The following PRKD2 variants were observed in gnomAD, a reference collection of about 807,000 sequenced individuals.
The protein encoded by PRKD2 is serine/threonine-protein kinase D2.
A neutral mutation model predicts 86.0 loss-of-function variants in PRKD2; 22 were observed. The ratio of observed to expected loss-of-function variants is 0.26; its 90% CI spans 0.18 to 0.37. PRKD2 has a LOEUF of 0.37. Ranked by LOEUF, PRKD2 falls within the 10% of genes least tolerant of loss-of-function variation. The pLI, the probability that PRKD2 is intolerant of heterozygous loss-of-function variation, is 1.00. For synonymous variants in PRKD2, 509 were observed against 510.9 expected, an observed-to-expected ratio of 1.00 and a Z score of 0.05; for missense variants, 818 against 1,199.2, an observed-to-expected ratio of 0.68 and a Z score of 4.70.
At chr19:46,679,260 G>GCAGAGGTTGCAGTGAGC (rs1191166538) in intron 15 of PRKD2, among the ~76,000 whole-genome samples, 7 of 152,106 alleles carry the variant, frequency 4.6e-5, no homozygotes, top group African/African-American at 1.7e-4. Context: ...AACCTGGGAG[G>GCAGAGGTTGCAGTGAGC]CAGAGGTTGC....
At chr19:46,696,412 T>G (rs916813079) in intron 9 of PRKD2, among the ~76,000 whole-genome samples, 13 of 151,974 alleles carry the variant, frequency 8.6e-5, no homozygotes, top group Non-Finnish European at 1.9e-4. Flanking sequence ...TGGGACACAG[T>G]GTGGGCATGG....
At chr19:46,710,054 C>T (rs151060619) in intron 3 of PRKD2, among the ~76,000 whole-genome samples, 3 of 151,030 alleles carry the variant, frequency 2.0e-5, no homozygotes, top group African/African-American at 4.9e-5. Flanking sequence ...TGTGCCACCA[C>T]GTCCGGCTAA....
At position 46,689,707 on chromosome 19, in the gene PRKD2, TG is replaced by T; in HGVS notation, c.1810-10del. 6.2e-7 allele frequency: 1 copy of T among 1,613,610 alleles called. No individual in the cohort carries two copies. ...CCGGGATGCCGCAGGCTCTGCAGGGTGGGGAGCGGGGTCAGGGCCCAGGTAA... is the reference window on the plus strand; with the variant it reads ...CCGGGATGCCGCAGGCTCTGCAGGGTGGGAGCGGGGTCAGGGCCCAGGTAA... On this transcript the variant is annotated splice_polypyrimidine_tract_variant and intron_variant, in intron 13 of 17. Transcript: ENST00000291281.
intron 3 of PRKD2, 68 bp downstream of exon 3, chr19:46,710,839 G>A: frequency 6.8e-7 from 1 of 1,467,216 alleles, no homozygotes; most frequent in Non-Finnish European, 9.1e-7. Context: ...CCCGTGCCAG[G>A]ACCATTACGC....
rs574277674 is a variant in PRKD2 at position 46,693,079 on chromosome 19, C to T, written c.1576+796G>A. ...TTCTTTCCCACATCTCACCCTGCCT[C>T]GGCCTCCAGATCTCAGTTCAGATGT... is the stretch of plus-strand genomic sequence containing the variant. On this transcript the variant is annotated intron_variant, in intron 10 of 17. Transcript: ENST00000291281. The surrounding 1 kb of genome is among the most constrained non-coding windows in gnomAD (Gnocchi z 4.5). Among the ~76,000 whole-genome samples, 104 of 152,292 alleles carry T rather than the reference C, an allele frequency of 6.8e-4. 1 individual carries two copies. The highest frequency in any genetic ancestry group is 9.4e-4 in the Non-Finnish European group (64 of 68,026).
intron 3 of PRKD2, among the ~76,000 whole-genome samples, chr19:46,709,124 A>G (rs938146082): frequency 1.3e-5 from 2 of 151,762 alleles, no homozygotes; most frequent in Admixed American, 1.3e-4. Context: ...CTATAGGCAC[A>G]TGCCACCACG....
chr19:46,696,526 G>A (rs1452607980), intron 9 of PRKD2, among the ~76,000 whole-genome samples: 1 of 152,064 alleles, frequency 6.6e-6, no homozygotes, highest in Non-Finnish European at 1.5e-5. Context: ...TTGGGAGGCC[G>A]AGGGGGGCAG....
rs947611694 is a variant in PRKD2 at position 46,714,365 on chromosome 19, C to A, written c.241-364G>T. On this transcript the variant is annotated intron_variant, in intron 1 of 17. Coordinates refer to ENST00000291281, the MANE Select transcript of PRKD2 (RefSeq NM_016457.5). ...CCTCCTCCCCAGGCTCACACACCCG[C>A]CCCCCAGCTTCCTTCCTGGATCTGT... The A allele has an allele frequency of 3.4e-5, 33 of 957,400 alleles. No homozygotes were observed. The African/African-American group carries it at 5.4e-4, about 16-fold the overall frequency. 59.3% of individuals were successfully genotyped at this position (957,400 alleles called of 1,614,324 possible).
chr19:46,690,467 TA>T, intron 13 of PRKD2, 132 bp downstream of exon 13: 1 of 743,984 alleles, frequency 1.3e-6, no homozygotes, highest in Non-Finnish European at 2.3e-6. Context: ...GTCCCTCTGC[TA>T]AGAACACCTT....
Position 46,693,269 on chromosome 19 carries a change from C to T in PRKD2, c.1576+606G>A, listed in dbSNP as rs1409149082. The stretch of plus-strand genomic sequence containing the variant: ...GACTCTGAGCCCCATGAGGGCAGGT[C>T]TTGGGCTGTCCTGGCCACCACTGGG... On this transcript the variant is annotated intron_variant, in intron 10 of 17. Coordinates refer to ENST00000291281, the MANE Select transcript of PRKD2 (RefSeq NM_016457.5). This position sits in a 1 kb window ranked among gnomAD's most constrained non-coding sequence, Gnocchi z 4.5. Among the ~76,000 whole-genome samples, 1 of 151,944 alleles carries T rather than the reference C, an allele frequency of 6.6e-6. No individual in the cohort carries two copies. The highest frequency in any genetic ancestry group is 1.5e-5 in the Non-Finnish European group (1 of 67,958).
Position 46,678,773 on chromosome 19 carries a change from T to A in PRKD2, c.2071-110A>T. The stretch of plus-strand genomic sequence containing the variant: ...TTCCAGAGAAAGCTGGATGCTGGTT[T>A]GAATCCAGGCTCCTTGGCTCACTAG... On this transcript the variant is annotated intron_variant, in intron 15 of 17. Coordinates refer to ENST00000291281, the MANE Select transcript of PRKD2 (RefSeq NM_016457.5). This position sits in a 1 kb window ranked among gnomAD's most constrained non-coding sequence, Gnocchi z 5.7. 1 of 1,328,434 alleles carries A rather than the reference T, an allele frequency of 7.5e-7. No homozygotes were observed. The highest frequency in any genetic ancestry group is 1.0e-6 in the Non-Finnish European group (1 of 984,136). The allele number at this position is 1,328,434 out of a possible 1,614,324, so 82.3% of individuals were successfully genotyped here.
intron 3 of PRKD2, among the ~76,000 whole-genome samples, chr19:46,708,347 G>A (rs933128182): frequency 1.3e-4 from 15 of 117,190 alleles, no homozygotes; most frequent in African/African-American, 5.1e-4. Flanking sequence ...TGAGACAATC[G>A]TGTTCTGTCA....
intron 2 of PRKD2, among the ~76,000 whole-genome samples, chr19:46,713,029 CT>C (rs2053830530): frequency 6.8e-6 from 1 of 148,094 alleles, no homozygotes; most frequent in Non-Finnish European, 1.5e-5. Flanking sequence ...TACTTTTTTT[CT>C]TTTTTAGAGA....
At chr19:46,714,598 A>G (rs955617150) in intron 1 of PRKD2, 1 of 152,092 alleles carries the variant, frequency 6.6e-6, no homozygotes. Context: ...GGGGCAGGAA[A>G]TGAAACCTAG....
chr19:46,696,712 G>A (rs1180452710), intron 9 of PRKD2, among the ~76,000 whole-genome samples: 2 of 151,984 alleles, frequency 1.3e-5, no homozygotes, highest in African/African-American at 4.8e-5. Flanking sequence ...CCGAGATCGC[G>A]CCACTGCACT....
intron 2 of PRKD2, among the ~76,000 whole-genome samples, chr19:46,712,010 GTGAGCCA>G (rs1199601889): frequency 1.3e-5 from 2 of 151,524 alleles, no homozygotes; most frequent in Non-Finnish European, 2.9e-5. Context: ...AGAGGTTGCC[GTGAGCCA>G]AGATCATGCC....
chr19:46,716,048 G>A lies in PRKD2; in HGVS notation c.240+83C>T. 7 of 1,535,916 alleles carry A rather than the reference G, an allele frequency of 4.6e-6. No homozygotes were observed. In the South Asian group the frequency reaches 6.1e-5, roughly 13 times the overall value. ...CTCAGGTCTCCTTCCTCCCTCTTCC[G>A]CACACCAGGCCCCAGACCCCTCTGC... On this transcript the variant is annotated intron_variant, in intron 1 of 17. Transcript: ENST00000291281. This position sits in a 1 kb window ranked among gnomAD's most constrained non-coding sequence, Gnocchi z 7.9.
rs1350021459 is a variant in PRKD2 at position 46,697,847 on chromosome 19, G to A, written c.1125C>T (p.Ser375=). The change falls in exon 8 of 18, where the codon TCC becomes TCT. Residue 375 remains serine (S), a synonymous_variant. Transcript: ENST00000291281. ...EEGEGGKAQS[S]LGYIPLMRVV... The stretch of plus-strand genomic sequence containing the variant: ...CCCTCATTAGGGGGATGTACCCCAG[G>A]GAGCTGCGAAGGAAGAGGAAGGGGT... 2 of 1,612,432 alleles carry A rather than the reference G, an allele frequency of 1.2e-6. No individual in the cohort carries two copies. Among genetic ancestry groups the A allele is most frequent in the African/African-American group, 1.3e-5 (1 of 74,890 alleles).
Position 46,683,166 on chromosome 19 carries a change from C to CT in PRKD2, c.1972-1419dup, listed in dbSNP as rs34248159. Among the ~76,000 whole-genome samples, 887 of 115,472 alleles carry CT rather than the reference C, an allele frequency of 7.7e-3. 10 individuals are homozygous for CT. Among genetic ancestry groups the CT allele is most frequent in the African/African-American group, 0.025 (733 of 29,668 alleles). The allele number at this position is 115,472 out of a possible 152,430, so 75.8% of individuals were successfully genotyped here. A position where few individuals can be genotyped will look rare whatever the true frequency, so the allele number is the denominator to read the frequency against. ...CCACCACCATGTCGGGCTTTGATTC[C>CT]TTTTTTTTTTTTTTTTTTGAGAAGG... On this transcript the variant is annotated intron_variant, in intron 14 of 17. Transcript: ENST00000291281.
Sources: gnomAD v4.1 joint callset for allele counts (sites outside exome capture counted in the v4.1 genomes callset) on GRCh38, gnomAD v4.1.1 for gene constraint, Gnocchi (gnomAD v3.1) non-coding constraint, MANE v1.5 for transcripts, NCBI Gene and HGNC (gene_info 2026-07-23, HGNC 2026-07-21) for gene names.